PRELID2: variants seen among roughly 807,000 people sequenced by gnomAD.
PRELID2 encodes PRELI domain containing 2.
A neutral mutation model predicts 28.4 loss-of-function variants in PRELID2; 25 were observed. The observed-to-expected ratio is 0.88, with a 90% CI of 0.64 to 1.23. The LOEUF is 1.23. Ranked by LOEUF, PRELID2 falls within the 50% of genes most tolerant of loss-of-function variation. PRELID2 has a pLI of 0.00. For missense variants in PRELID2, 201 were observed against 214.4 expected (o/e 0.94, Z 0.39); for synonymous variants, 76 against 71.6 (o/e 1.06, Z -0.31).
intron 1 of PRELID2, among the ~76,000 whole-genome samples, chr5:145,532,163 G>A (rs992036456): frequency 5.3e-5 from 8 of 151,922 alleles, no homozygotes; most frequent in Non-Finnish European, 1.0e-4. Flanking sequence ...CATGAGTTTT[G>A]AAGTGAGAAG....
chr5:145,731,163 T>C (rs1225309871), intron 1 of PRELID2, among the ~76,000 whole-genome samples: 1 of 152,258 alleles, frequency 6.6e-6, no homozygotes, highest in Admixed American at 6.5e-5. Context: ...TGTACTAATG[T>C]TTAAAGCATA....
chr5:145,676,230 A>AT (rs1378816052), intron 1 of PRELID2, among the ~76,000 whole-genome samples: 2 of 145,856 alleles, frequency 1.4e-5, no homozygotes, highest in African/African-American at 5.3e-5. Flanking sequence ...CAAAAAAAAA[A>AT]AAAAAAAAAA....
intron 1 of PRELID2, among the ~76,000 whole-genome samples, chr5:145,643,208 G>A (rs1439815384): frequency 6.6e-6 from 1 of 152,094 alleles, no homozygotes; most frequent in East Asian, 1.9e-4. Context: ...GTAGTTTGTA[G>A]TTCTCCCTGA....
intron 1 of PRELID2, among the ~76,000 whole-genome samples, chr5:145,561,914 G>A (rs1752928689): frequency 6.6e-6 from 1 of 152,208 alleles, no homozygotes; most frequent in Non-Finnish European, 1.5e-5. Context: ...CGAAAGTCAT[G>A]CATTTTGGAG....
chr5:145,578,823 G>T (rs1753083973), intron 1 of PRELID2, among the ~76,000 whole-genome samples: 1 of 152,014 alleles, frequency 6.6e-6, no homozygotes, highest in African/African-American at 2.4e-5. Context: ...TCTCACAATG[G>T]TGCCATTAAG....
the PRELID2 span, among the ~76,000 whole-genome samples, chr5:145,435,588 G>A: frequency 1.3e-4 from 20 of 152,244 alleles, no homozygotes; most frequent in South Asian, 4.2e-3. Flanking sequence ...GCCTTTTGTT[G>A]CATAACTTCT....
intron 1 of PRELID2, among the ~76,000 whole-genome samples, chr5:145,610,865 C>A (rs553865164): frequency 2.7e-4 from 41 of 151,940 alleles, no homozygotes; most frequent in Middle Eastern, 3.4e-3. Flanking sequence ...GGTCAAAATT[C>A]TTCTTTTTGA....
chr5:145,547,383 G>T (rs1192912126), intron 1 of PRELID2, among the ~76,000 whole-genome samples: 1 of 152,076 alleles, frequency 6.6e-6, no homozygotes, highest in Non-Finnish European at 1.5e-5. Flanking sequence ...TTATCCACAT[G>T]GACCCGGCCT....
chr5:145,546,562 A>ATT (rs1256722667), intron 1 of PRELID2, among the ~76,000 whole-genome samples: 1 of 152,134 alleles, frequency 6.6e-6, no homozygotes, highest in Non-Finnish European at 1.5e-5. Context: ...TAGAACATTC[A>ATT]TTGTATGAAC....
At chr5:145,788,996 T>C (rs1180120970) in intron 5 of PRELID2, among the ~76,000 whole-genome samples, 1 of 152,028 alleles carries the variant, frequency 6.6e-6, no homozygotes, top group Non-Finnish European at 1.5e-5. Flanking sequence ...TGGACAAAAC[T>C]GAAGACACAA....
the PRELID2 span, among the ~76,000 whole-genome samples, chr5:145,329,257 A>G: frequency 1.3e-5 from 2 of 152,090 alleles, no homozygotes; most frequent in Non-Finnish European, 2.9e-5. Context: ...TGTCTTGGCT[A>G]TAAGCGGTCT....
At chr5:145,240,026 C>T in the PRELID2 span, among the ~76,000 whole-genome samples, 1 of 151,944 alleles carries the variant, frequency 6.6e-6, no homozygotes, top group Non-Finnish European at 1.5e-5. Flanking sequence ...TTTCTCCCTC[C>T]TAAATAAGTT....
chr5:145,325,469 T>C, the PRELID2 span, among the ~76,000 whole-genome samples: 1 of 152,208 alleles, frequency 6.6e-6, no homozygotes, highest in Non-Finnish European at 1.5e-5. Flanking sequence ...TTTTATTTTA[T>C]TCAATTACAA....
chr5:145,525,691 A>T (rs1186920479), intron 1 of PRELID2, among the ~76,000 whole-genome samples: 3 of 152,202 alleles, frequency 2.0e-5, no homozygotes, highest in Non-Finnish European at 4.4e-5. Context: ...GACTCAGAGG[A>T]TTCGGTTTAC....
chr5:145,434,174 G>A, the PRELID2 span, among the ~76,000 whole-genome samples: 6 of 152,064 alleles, frequency 3.9e-5, no homozygotes, highest in African/African-American at 1.4e-4. Context: ...GCATTCTGTA[G>A]GCCCATGAAA....
chr5:145,631,548 T>C (rs1038286164), intron 1 of PRELID2, among the ~76,000 whole-genome samples: 12 of 152,182 alleles, frequency 7.9e-5, no homozygotes, highest in Non-Finnish European at 1.5e-5. Context: ...ATTCTCATCA[T>C]ATACATTGTC....
At chr5:145,402,872 T>C in the PRELID2 span, among the ~76,000 whole-genome samples, 5 of 152,304 alleles carry the variant, frequency 3.3e-5, no homozygotes, top group East Asian at 5.8e-4. Flanking sequence ...CAAGGACATA[T>C]GAATGAGCAG....
chr5:145,828,256 C>T (rs1755335573), intron 1 of PRELID2, among the ~76,000 whole-genome samples: 1 of 152,116 alleles, frequency 6.6e-6, no homozygotes, highest in African/African-American at 2.4e-5. Context: ...AATTTAATTA[C>T]AGTATAATAC....
the PRELID2 span, among the ~76,000 whole-genome samples, chr5:145,332,928 C>T: frequency 3.3e-5 from 5 of 152,172 alleles, no homozygotes; most frequent in African/African-American, 9.6e-5. Flanking sequence ...TCTTTGATGT[C>T]GGTGACCTTC....
Sources: gnomAD v4.1 joint callset for allele counts (sites outside exome capture counted in the v4.1 genomes callset) on GRCh38, gnomAD v4.1.1 for gene constraint, MANE v1.5 for transcripts, NCBI Gene and HGNC (gene_info 2026-07-23, HGNC 2026-07-21) for gene names.